The following DMD variants were observed in gnomAD, a reference collection of about 807,000 sequenced individuals.
DMD encodes the protein dystrophin, also known as mutant dystrophin.
Under a neutral mutation model 330.1 loss-of-function variants are expected in DMD, and 63 were observed. The observed-to-expected ratio is 0.19, with a 90% CI of 0.16 to 0.24. DMD has a LOEUF of 0.24. Among genes scored for constraint, DMD ranks in the 10% least tolerant of loss-of-function variants. DMD has a pLI of 1.00. For synonymous variants in DMD, 1,223 were observed against 959.8 expected (o/e 1.27, Z -5.07); for missense variants, 3,344 against 2,684.1 (o/e 1.25, Z -5.43).
At chrX:31,513,456 C>A (rs1453569015) in intron 55 of DMD, among the ~76,000 whole-genome samples, 1 of 110,366 alleles carries the variant, frequency 9.1e-6, no homozygotes. Flanking sequence ...ACTCAGGTAG[C>A]ACAAAAGAGC....
chrX:31,480,625 T>C (rs959379224), intron 57 of DMD, among the ~76,000 whole-genome samples: 16 of 108,455 alleles, frequency 1.5e-4, no homozygotes, highest in African/African-American at 5.4e-4. Context: ...GTGTTTTTTT[T>C]CATACAATTA....
chrX:32,359,222 G>A (rs764576845), intron 37 of DMD, among the ~76,000 whole-genome samples: 3 of 111,745 alleles, frequency 2.7e-5, no homozygotes, highest in Non-Finnish European at 5.6e-5. Flanking sequence ...TCTGGGCTTC[G>A]GAATTTCTTG....
At chrX:31,268,002 C>G (rs942598998) in intron 62 of DMD, among the ~76,000 whole-genome samples, 7 of 112,160 alleles carry the variant, frequency 6.2e-5, no homozygotes, top group Non-Finnish European at 1.3e-4. Flanking sequence ...TTTCCACTCT[C>G]CTTTCCGATT....
intron 59 of DMD, among the ~76,000 whole-genome samples, chrX:31,447,091 C>T (rs1340433783): frequency 9.0e-6 from 1 of 111,048 alleles, no homozygotes; most frequent in African/African-American, 3.3e-5. Context: ...ATTTTCTCTC[C>T]CAAATTCCTG....
chrX:31,976,755 A>G (rs1202366003), intron 44 of DMD, among the ~76,000 whole-genome samples: 1 of 111,823 alleles, frequency 8.9e-6, no homozygotes, highest in Non-Finnish European at 1.9e-5. Flanking sequence ...AAGAGAACAG[A>G]ATTAAGCTTG....
intron 55 of DMD, among the ~76,000 whole-genome samples, chrX:31,591,473 A>G (rs772170404): frequency 1.5e-4 from 17 of 111,507 alleles, no homozygotes; most frequent in Non-Finnish European, 3.2e-4. Context: ...CAAATCTACT[A>G]TAGTGTAATA....
chrX:32,382,192 C>A (rs2097928877), intron 33 of DMD, among the ~76,000 whole-genome samples: 1 of 111,354 alleles, frequency 9.0e-6, no homozygotes, highest in East Asian at 2.8e-4. Context: ...AAAACATGGA[C>A]AAGATTTGGC....
rs370332425 is a variant in DMD at position 33,025,483 on chromosome X, A to C, written c.32-5283T>G. ...TTTAAAAACTGGGGGAAAAAAAAAA[A>C]CAGAAAAACAGTTCTATAAACACTA... On this transcript the variant is annotated intron_variant, in intron 1 of 78. Coordinates refer to ENST00000357033, the MANE Select transcript of DMD (RefSeq NM_004006.3). Among the ~76,000 whole-genome samples, 251 of 111,214 alleles carry C rather than the reference A, an allele frequency of 2.3e-3. 1 individual carries two copies. The highest frequency in any genetic ancestry group is 7.5e-3 in the African/African-American group (228 of 30,589).
intron 52 of DMD, among the ~76,000 whole-genome samples, chrX:31,681,078 A>G (rs1329511135): frequency 9.0e-6 from 1 of 111,207 alleles, no homozygotes; most frequent in African/African-American, 3.3e-5. Context: ...CCTCACATCC[A>G]TAAGAGGCTC....
In DMD at chrX:32,052,858, G is replaced by A. The variant is rs147369895; in HGVS notation, c.6439-84344C>T. Among the ~76,000 whole-genome samples the A allele has an allele frequency of 5.1e-3, 567 of 111,046 alleles. 1 individual carries two copies. The highest frequency in any genetic ancestry group is 9.0e-3 in the Non-Finnish European group (478 of 52,828). On this transcript the variant is annotated intron_variant, in intron 44 of 78. Transcript: ENST00000357033. ...AGGAGATGAACTGTAATTGTCATAGGCCCTTTAATTACGCACTGAGGAACA... is the reference window on the plus strand; with the variant it reads ...AGGAGATGAACTGTAATTGTCATAGACCCTTTAATTACGCACTGAGGAACA...
intron 55 of DMD, chrX:31,508,093 C>G: frequency 1.9e-6 from 1 of 533,198 alleles, no homozygotes; most frequent in Non-Finnish European, 3.1e-6. Context: ...CATTTTTAGG[C>G]TTGACAGGTG....
At chrX:31,912,244 C>T (rs2094557184) in intron 47 of DMD, among the ~76,000 whole-genome samples, 2 of 111,151 alleles carry the variant, frequency 1.8e-5, no homozygotes, top group South Asian at 7.8e-4. Context: ...TCAAAAACTG[C>T]CATGCCTGCA....
intron 60 of DMD, among the ~76,000 whole-genome samples, chrX:31,412,004 G>A (rs2061667609): frequency 9.2e-6 from 1 of 108,285 alleles, no homozygotes; most frequent in South Asian, 4.2e-4. Context: ...TGGCCAACAC[G>A]GTGAAACCCC....
At chrX:32,978,459 T>C (rs1358593040) in intron 2 of DMD, among the ~76,000 whole-genome samples, 1 of 111,966 alleles carries the variant, frequency 8.9e-6, no homozygotes, top group East Asian at 2.8e-4. Context: ...GCTCTTTGCA[T>C]GGATTTTTAA....
intron 55 of DMD, among the ~76,000 whole-genome samples, chrX:31,543,159 ATTTTTTAT>A (rs1488449776): frequency 9.3e-5 from 10 of 107,639 alleles, no homozygotes; most frequent in African/African-American, 3.4e-4. Flanking sequence ...TTTATTTTTT[ATTTTTTAT>A]TTTTATTTTA....
At chrX:31,745,208 A>G (rs937417700) in intron 51 of DMD, among the ~76,000 whole-genome samples, 2 of 111,430 alleles carry the variant, frequency 1.8e-5, no homozygotes, top group African/African-American at 6.5e-5. Flanking sequence ...CTTTAAAACT[A>G]AAGTGTAGAA....
At chrX:32,581,105 C>T (rs1000615811) in intron 13 of DMD, among the ~76,000 whole-genome samples, 1 of 112,095 alleles carries the variant, frequency 8.9e-6, no homozygotes, top group African/African-American at 3.2e-5. Context: ...GGATTGCAGG[C>T]GTGAGCCACT....
In DMD at chrX:32,522,098, T is replaced by G. The variant is rs1376453490; in HGVS notation, c.2169-3967A>C. Among the ~76,000 whole-genome samples, 7 of 111,897 alleles carry G rather than the reference T, an allele frequency of 6.3e-5. No homozygotes were observed. The Admixed American group carries it at 6.6e-4, about 11-fold the overall frequency. ...TTCTGTGGTTTATAAGCTACCCAGT[T>G]TATGGTATTTTGTTACAGCAAACCA... is the stretch of plus-strand genomic sequence containing the variant. On this transcript the variant is annotated intron_variant, in intron 17 of 78. Transcript: ENST00000357033.
chrX:32,529,437 C>T (rs1603635610), intron 17 of DMD, among the ~76,000 whole-genome samples: 1 of 70,626 alleles, frequency 1.4e-5, no homozygotes, highest in East Asian at 5.0e-4. Context: ...CTCATTCTAT[C>T]ACCCAGGCTG....
Sources: allele counts gnomAD v4.1 joint callset (sites outside exome capture counted in the v4.1 genomes callset), GRCh38; gene constraint gnomAD v4.1.1; transcripts MANE v1.5; gene names NCBI Gene and HGNC (gene_info 2026-07-23, HGNC 2026-07-21).